The following MACF1 variants were observed in gnomAD, a reference collection of about 807,000 sequenced individuals.
MACF1 encodes the protein microtubule-actin cross-linking factor 1.
MACF1 carries 193 observed loss-of-function variants against 854.8 expected under a neutral mutation model. The observed-to-expected ratio is 0.23, with a 90% CI of 0.20 to 0.25. The LOEUF (loss-of-function observed/expected upper bound fraction) is 0.25, where lower values mean the gene tolerates loss of function less well. Among genes scored for constraint, MACF1 ranks in the 10% least tolerant of loss-of-function variants. MACF1 has a pLI of 1.00. For missense variants in MACF1, 7,722 were observed against 8,929.1 expected (o/e 0.86, Z 5.45); for synonymous variants, 3,185 against 3,226.7 (o/e 0.99, Z 0.44).
At chr1:39,235,899 T>C (rs1644855508) in intron 2 of MACF1, among the ~76,000 whole-genome samples, 1 of 152,158 alleles carries the variant, frequency 6.6e-6, no homozygotes, top group South Asian at 2.1e-4. Flanking sequence ...TGTGCCTGGC[T>C]AATTTTTGTG....
intron 86 of MACF1, 43 bp from the exon 87 acceptor site, chr1:39,452,641 G>A: frequency 5.6e-6 from 9 of 1,610,998 alleles, no homozygotes; most frequent in Non-Finnish European, 7.6e-6. Flanking sequence ...CTAGGTCCTT[G>A]GCTGCAGAGA....
At chr1:39,273,125 A>G (rs1470252571) in intron 6 of MACF1, among the ~76,000 whole-genome samples, 1 of 144,882 alleles carries the variant, frequency 6.9e-6, no homozygotes, top group East Asian at 2.0e-4. Context: ...ATTTACCTCT[A>G]TACCAATTTT....
intron 2 of MACF1, among the ~76,000 whole-genome samples, chr1:39,232,583 C>T (rs1252545708): frequency 6.6e-6 from 1 of 152,102 alleles, no homozygotes; most frequent in Non-Finnish European, 1.5e-5. Context: ...TCTTTTTGGG[C>T]AGTCTCATCC....
intron 2 of MACF1, among the ~76,000 whole-genome samples, chr1:39,185,538 A>G (rs1034799639): frequency 2.6e-5 from 4 of 152,198 alleles, no homozygotes; most frequent in African/African-American, 7.2e-5. Context: ...TAAACCCAAG[A>G]TATATCAGAA....
At chr1:39,163,134 C>T (rs540911735) in intron 2 of MACF1, among the ~76,000 whole-genome samples, 14 of 152,054 alleles carry the variant, frequency 9.2e-5, no homozygotes, top group South Asian at 4.2e-4. Context: ...TGGCGGATCA[C>T]GAGGTCAGGA....
chr1:39,198,556 C>T (rs1644351494), intron 2 of MACF1, among the ~76,000 whole-genome samples: 1 of 151,056 alleles, frequency 6.6e-6, no homozygotes. Context: ...GAGGCTGAGG[C>T]AGGAGAATTG....
At chr1:39,247,062 C>T (rs558463218) in intron 2 of MACF1, among the ~76,000 whole-genome samples, 97 of 140,526 alleles carry the variant, frequency 6.9e-4, no homozygotes, top group African/African-American at 2.0e-3. Flanking sequence ...CCACCATGCC[C>T]GGCTAATTTT....
rs577990025 is a variant in MACF1, at chr1:39,171,657, G to T, written c.221-59525G>T. ...AATTTTCTTTTTTGGACACAGTCTCGCTCTGTCGCCCAAGCTGGAGTGCAG... is the reference window on the plus strand; with the variant it reads ...AATTTTCTTTTTTGGACACAGTCTCTCTCTGTCGCCCAAGCTGGAGTGCAG... On this transcript the variant is annotated intron_variant, in intron 2 of 93. Transcript: ENST00000361689. 6.0e-4 allele frequency among the ~76,000 whole-genome samples: 92 copies of T among 152,136 alleles called. 1 individual carries two copies. The highest frequency in any genetic ancestry group is 1.1e-3 in the Non-Finnish European group (78 of 68,002).
At chr1:39,166,162 G>A (rs1000590636) in intron 2 of MACF1, among the ~76,000 whole-genome samples, 1 of 151,358 alleles carries the variant, frequency 6.6e-6, no homozygotes, top group Non-Finnish European at 1.5e-5. Context: ...CTGCCTCCCA[G>A]GTTCAAGTGA....
At chr1:39,142,494 G>A (rs1643365789) in intron 2 of MACF1, among the ~76,000 whole-genome samples, 1 of 152,170 alleles carries the variant, frequency 6.6e-6, no homozygotes, top group Non-Finnish European at 1.5e-5. Context: ...CTAGCTCATG[G>A]GTAAGGAGCA....
upstream of MACF1, among the ~76,000 whole-genome samples, chr1:39,202,913 A>G (rs1283659486): frequency 2.0e-5 from 3 of 152,170 alleles, no homozygotes; most frequent in African/African-American, 4.8e-5. Context: ...AGATGATCCT[A>G]TTGCCAGATT....
chr1:39,369,807 A>G (rs756678196), intron 50 of MACF1, among the ~76,000 whole-genome samples: 5 of 152,074 alleles, frequency 3.3e-5, no homozygotes, highest in South Asian at 2.1e-4. Context: ...AAGATTGAAG[A>G]CCTCTTTCCC....
chr1:39,300,399 G>A (rs1451728890), intron 22 of MACF1, 37 bp downstream of exon 22: 3 of 1,579,524 alleles, frequency 1.9e-6, no homozygotes, highest in Admixed American at 3.6e-5. Context: ...GGCCACAGGG[G>A]GAAGGAAGAA....
At chr1:39,404,622 T>A (rs1414175822) in intron 58 of MACF1, among the ~76,000 whole-genome samples, 6 of 152,222 alleles carry the variant, frequency 3.9e-5, no homozygotes, top group African/African-American at 1.2e-4. Context: ...CCCAAGTAGC[T>A]AGGACTACAG....
At chr1:39,453,909 G>A (rs926309069) in intron 88 of MACF1, 59 bp downstream of exon 88, 36 of 1,510,764 alleles carry the variant, frequency 2.4e-5, no homozygotes, top group Non-Finnish European at 3.2e-5. Context: ...CTATAGTATA[G>A]TATAGTATTT....
At chr1:39,120,269 C>T (rs1281649245) in intron 2 of MACF1, among the ~76,000 whole-genome samples, 1 of 152,114 alleles carries the variant, frequency 6.6e-6, no homozygotes. Context: ...TTCTCAAATT[C>T]ACTTTCCCCT....
chr1:39,123,203 ATTTTTTTT>A (rs10585991), intron 2 of MACF1, among the ~76,000 whole-genome samples: 8 of 111,910 alleles, frequency 7.1e-5, no homozygotes, highest in African/African-American at 2.1e-4. Context: ...ATATATATAA[ATTTTTTTT>A]TTTTTTTTTT....
intron 2 of MACF1, among the ~76,000 whole-genome samples, chr1:39,128,921 A>G (rs973550421): frequency 6.6e-6 from 1 of 152,096 alleles, no homozygotes; most frequent in Admixed American, 6.6e-5. Context: ...CGTCACTTGT[A>G]TTTTATTATT....
In MACF1 at chr1:39,258,038, G is replaced by T; in HGVS notation, c.528+10G>T. On this transcript the variant is annotated intron_variant, in intron 6 of 100. Transcript: ENST00000564288. ...TATTTTGCATTTCCAGGTAGGGCAT[G>T]TGAAGTTTGGAATTCCTGTTGCTTT... 1 of 1,611,350 alleles carries T rather than the reference G, an allele frequency of 6.2e-7. No homozygotes were observed. Among genetic ancestry groups the T allele is most frequent in the Non-Finnish European group, 8.5e-7 (1 of 1,177,464 alleles).
Sources: gnomAD v4.1 joint callset for allele counts (sites outside exome capture counted in the v4.1 genomes callset) on GRCh38, gnomAD v4.1.1 for gene constraint, MANE v1.5 for transcripts, NCBI Gene and HGNC (gene_info 2026-07-23, HGNC 2026-07-21) for gene names.